The following FRMD5 variants were observed in gnomAD, a reference collection of about 807,000 sequenced individuals.
FRMD5 encodes FERM domain containing 5.
In FRMD5, 20 loss-of-function variants were observed where a neutral mutation model predicts 69.0. That is an observed-to-expected ratio of 0.29 (90% CI 0.20 to 0.42). The LOEUF (loss-of-function observed/expected upper bound fraction) is 0.42, where lower values mean the gene tolerates loss of function less well. Ranked by LOEUF, FRMD5 falls within the 10% of genes least tolerant of loss-of-function variation. FRMD5 has a pLI of 1.00. For synonymous variants in FRMD5, 271 were observed against 260.1 expected, an observed-to-expected ratio of 1.04 and a Z score of -0.40; for missense variants, 595 against 708.6, an observed-to-expected ratio of 0.84 and a Z score of 1.82.
intron 2 of FRMD5, among the ~76,000 whole-genome samples, chr15:43,920,227 C>CT (rs1246307273): frequency 1.3e-5 from 2 of 151,676 alleles, no homozygotes; most frequent in East Asian, 1.9e-4. Context: ...TTTTTTTCTT[C>CT]TTTTTTTGGC....
intron 1 of FRMD5, among the ~76,000 whole-genome samples, chr15:44,103,890 C>T (rs549457729): frequency 7.2e-5 from 11 of 152,218 alleles, no homozygotes; most frequent in Admixed American, 2.0e-4. Flanking sequence ...TAATGTAATG[C>T]GTTACTCATA....
At chr15:44,057,754 T>C (rs548500051) in intron 1 of FRMD5, among the ~76,000 whole-genome samples, 3 of 152,342 alleles carry the variant, frequency 2.0e-5, no homozygotes, top group East Asian at 1.9e-4. Context: ...CTGTTATTAA[T>C]TAACTATTTG....
chr15:44,102,983 C>A (rs559362281), intron 1 of FRMD5, among the ~76,000 whole-genome samples: 1 of 152,318 alleles, frequency 6.6e-6, no homozygotes, highest in African/African-American at 2.4e-5. Flanking sequence ...TGCCTACACT[C>A]ATAACCTTGG....
chr15:43,880,376 T>G (rs1333742938), intron 13 of FRMD5, among the ~76,000 whole-genome samples: 1 of 152,098 alleles, frequency 6.6e-6, no homozygotes, highest in African/African-American at 2.4e-5. Flanking sequence ...CCTCCCTCCC[T>G]GGTTGGGGTG....
chr15:43,879,720 T>A (rs1417291600), intron 13 of FRMD5: 1 of 398,826 alleles, frequency 2.5e-6, no homozygotes, highest in Non-Finnish European at 4.4e-6. Flanking sequence ...GCTGATCTCT[T>A]CAGAGAAACC....
At chr15:44,151,396 CAA>C (rs75229422) in intron 1 of FRMD5, among the ~76,000 whole-genome samples, 12 of 58,514 alleles carry the variant, frequency 2.1e-4, no homozygotes, top group Admixed American at 6.0e-4. Flanking sequence ...GACTCCATCT[CAA>C]AAAAAAAAAA....
intron 1 of FRMD5, among the ~76,000 whole-genome samples, chr15:44,171,010 TGC>T (rs1566983537): frequency 6.6e-6 from 1 of 152,226 alleles, no homozygotes; most frequent in Non-Finnish European, 1.5e-5. Context: ...CTCTTCATGT[TGC>T]TATGTTTTTT....
intron 1 of FRMD5, chr15:44,063,638 T>C (rs1893187043): frequency 2.1e-6 from 1 of 484,470 alleles, no homozygotes; most frequent in Admixed American, 2.3e-5. Flanking sequence ...CTCAACTACA[T>C]GGTCTACATG....
intron 2 of FRMD5, 118 bp from the exon 3 acceptor site, chr15:43,919,927 G>A: frequency 1.1e-6 from 1 of 882,286 alleles, no homozygotes; most frequent in Non-Finnish European, 1.9e-6. Context: ...CAGCCCAAAA[G>A]CTTATGAAAG....
intron 1 of FRMD5, among the ~76,000 whole-genome samples, chr15:44,086,408 T>C (rs893619792): frequency 1.3e-5 from 2 of 152,202 alleles, no homozygotes; most frequent in Non-Finnish European, 2.9e-5. Flanking sequence ...TAATACTTGA[T>C]ACAACATGGA....
chr15:43,904,819 C>G (rs1297343953), intron 6 of FRMD5, among the ~76,000 whole-genome samples: 1 of 152,184 alleles, frequency 6.6e-6, no homozygotes, highest in East Asian at 1.9e-4. Flanking sequence ...GGGTGAAAAG[C>G]TGCATTAATG....
intron 1 of FRMD5, among the ~76,000 whole-genome samples, chr15:44,038,940 G>C (rs1358427436): frequency 6.6e-6 from 1 of 152,172 alleles, no homozygotes; most frequent in African/African-American, 2.4e-5. Flanking sequence ...CCACTGGCTT[G>C]AAATTCTTGC....
chr15:44,183,780 G>T (rs954069280), intron 1 of FRMD5, among the ~76,000 whole-genome samples: 2 of 152,046 alleles, frequency 1.3e-5, no homozygotes, highest in Non-Finnish European at 2.9e-5. Context: ...TCAGGAGTTC[G>T]AGATCAGCCT....
At chr15:43,888,725 T>A in intron 9 of FRMD5, 84 bp downstream of exon 9, 1 of 1,148,814 alleles carries the variant, frequency 8.7e-7, no homozygotes, top group South Asian at 1.3e-5. Flanking sequence ...TTGGCTCTAC[T>A]GGGGTCCCTC....
At chr15:43,879,684 G>A (rs2088469523) in intron 13 of FRMD5, 1 of 398,966 alleles carries the variant, frequency 2.5e-6, no homozygotes, top group Non-Finnish European at 4.4e-6. Context: ...GGCCCAGGAA[G>A]GCAAATACTT....
chr15:44,059,785 G>C (rs1206958812), intron 1 of FRMD5, among the ~76,000 whole-genome samples: 5 of 152,066 alleles, frequency 3.3e-5, no homozygotes, highest in Non-Finnish European at 7.4e-5. Flanking sequence ...AAAGTGCTGG[G>C]ATTACAGGTG....
At chr15:43,879,858 C>G in intron 13 of FRMD5, 1 of 389,010 alleles carries the variant, frequency 2.6e-6, no homozygotes, top group Non-Finnish European at 4.5e-6. Flanking sequence ...AGGTCACCTC[C>G]CCAAGCTTCA....
intron 1 of FRMD5, among the ~76,000 whole-genome samples, chr15:43,983,540 T>A (rs536890765): frequency 6.6e-6 from 1 of 152,224 alleles, no homozygotes; most frequent in Admixed American, 6.5e-5. Flanking sequence ...GATTCACAAC[T>A]GCCAAATCAC....
intron 12 of FRMD5, among the ~76,000 whole-genome samples, chr15:43,884,201 G>A (rs1320277643): frequency 6.6e-6 from 1 of 152,154 alleles, no homozygotes; most frequent in Admixed American, 6.5e-5. Context: ...CCATGTGAAG[G>A]GGCAGGCAGT....
Sources: gnomAD v4.1 joint callset for allele counts (sites outside exome capture counted in the v4.1 genomes callset) on GRCh38, gnomAD v4.1.1 for gene constraint, MANE v1.5 for transcripts, NCBI Gene and HGNC (gene_info 2026-07-23, HGNC 2026-07-21) for gene names.